Variants in ZMAT4 observed in about 807,000 individuals in gnomAD.
ZMAT4 encodes zinc finger matrin-type 4.
ZMAT4 carries 17 observed loss-of-function variants against 28.7 expected under a neutral mutation model. The observed-to-expected ratio is 0.59, with a 90% CI of 0.41 to 0.89. The LOEUF (loss-of-function observed/expected upper bound fraction) is 0.89. Ranked by LOEUF, ZMAT4 falls within the 40% of genes least tolerant of loss-of-function variation. The probability of loss-of-function intolerance (pLI) is 0.00; values close to 1 mark genes in which losing one functional copy is unlikely to be tolerated. For missense variants in ZMAT4, 240 were observed against 283.8 expected, an observed-to-expected ratio of 0.85 and a Z score of 1.11; for synonymous variants, 117 against 109.2, an observed-to-expected ratio of 1.07 and a Z score of -0.44.
At chr8:40,663,341 CT>C (rs993417966) in intron 5 of ZMAT4, among the ~76,000 whole-genome samples, 2 of 151,874 alleles carry the variant, frequency 1.3e-5, no homozygotes, top group Non-Finnish European at 2.9e-5. Flanking sequence ...GGCTCCCAAG[CT>C]TTTTTTTCAC....
intron 6 of ZMAT4, among the ~76,000 whole-genome samples, chr8:40,580,398 T>C (rs1804423392): frequency 6.6e-6 from 1 of 152,224 alleles, no homozygotes; most frequent in Non-Finnish European, 1.5e-5. Context: ...ACATTCATAA[T>C]TCATGAGGTC....
chr8:40,897,719 GGCCAGCT>G lies in ZMAT4; in HGVS notation c.-48_-42del, dbSNP rs546848464. The G allele has an allele frequency of 1.3e-5, 2 of 152,406 alleles. No individual in the cohort carries two copies. Among genetic ancestry groups the G allele is most frequent in the East Asian group, 3.9e-4 (2 of 5,152 alleles). The allele number at this position is 152,406 out of a possible 1,614,324, so 9.4% of individuals were successfully genotyped here. On this transcript the variant is annotated 5_prime_UTR_variant, in exon 1 of 7. Coordinates refer to ENST00000297737, the MANE Select transcript of ZMAT4 (RefSeq NM_024645.3). ...GGCAGAGGGGCCGCCGGTGCCCAGA[GGCCAGCT>G]GCCCTGCCGAGCAGTAGAGCGAAGC...
intron 3 of ZMAT4, among the ~76,000 whole-genome samples, chr8:40,728,974 A>G (rs183318170): frequency 2.6e-5 from 4 of 152,326 alleles, no homozygotes; most frequent in Admixed American, 2.6e-4. Context: ...TCTAGCACAC[A>G]ATGTTTTGAA....
chr8:40,786,763 T>C (rs951233461), intron 2 of ZMAT4: 1 of 1,288,606 alleles, frequency 7.8e-7, no homozygotes, highest in African/African-American at 1.5e-5. Flanking sequence ...GAAATTCCCC[T>C]TCCTCAAGAA....
At chr8:40,623,454 G>GGTA (rs1224718721) in intron 5 of ZMAT4, among the ~76,000 whole-genome samples, 1 of 152,212 alleles carries the variant, frequency 6.6e-6, no homozygotes, top group African/African-American at 2.4e-5. Flanking sequence ...GCAGAACTAT[G>GGTA]GTAGCTATAT....
At chr8:40,773,758 G>T (rs932490888) in intron 2 of ZMAT4, among the ~76,000 whole-genome samples, 4 of 151,938 alleles carry the variant, frequency 2.6e-5, no homozygotes, top group Admixed American at 2.0e-4. Flanking sequence ...TATCTTGAAG[G>T]TCTTTCACTT....
At chr8:40,601,989 A>G (rs1805411313) in intron 5 of ZMAT4, among the ~76,000 whole-genome samples, 1 of 152,092 alleles carries the variant, frequency 6.6e-6, no homozygotes, top group Non-Finnish European at 1.5e-5. Context: ...TGTACACTCT[A>G]CCCAATGTGT....
chr8:40,820,778 T>TAC (rs1563506971), intron 2 of ZMAT4, among the ~76,000 whole-genome samples: 10 of 196 alleles, frequency 0.051, no homozygotes, highest in South Asian at 0.44. Context: ...TATATGTGTT[T>TAC]ATGGGTGTGT....
intron 2 of ZMAT4, among the ~76,000 whole-genome samples, chr8:40,791,848 G>C (rs1814338741): frequency 6.6e-6 from 1 of 152,150 alleles, no homozygotes; most frequent in Non-Finnish European, 1.5e-5. Flanking sequence ...CCTGTGCCCT[G>C]GTGTCCACTG....
chr8:40,631,711 G>C (rs753039642), intron 5 of ZMAT4, among the ~76,000 whole-genome samples: 4 of 152,158 alleles, frequency 2.6e-5, no homozygotes, highest in Non-Finnish European at 5.9e-5. Flanking sequence ...CTCTCATTTT[G>C]CAAAACAGGA....
intron 5 of ZMAT4, among the ~76,000 whole-genome samples, chr8:40,616,778 C>G (rs867734370): frequency 1.3e-5 from 2 of 151,676 alleles, no homozygotes; most frequent in Non-Finnish European, 1.5e-5. Context: ...GGAGATATAC[C>G]TAATGCTAAA....
chr8:40,651,632 C>A (rs1237220616), intron 5 of ZMAT4, among the ~76,000 whole-genome samples: 1 of 150,152 alleles, frequency 6.7e-6, no homozygotes, highest in Non-Finnish European at 1.5e-5. Context: ...CAATCCTAAG[C>A]CAAAAGAACA....
At chr8:40,808,037 T>G (rs892314234) in intron 2 of ZMAT4, among the ~76,000 whole-genome samples, 1 of 152,174 alleles carries the variant, frequency 6.6e-6, no homozygotes, top group African/African-American at 2.4e-5. Flanking sequence ...ACAATCAGAT[T>G]GAAACACTTT....
chr8:40,846,292 A>T (rs1325439576), intron 1 of ZMAT4, among the ~76,000 whole-genome samples: 1 of 151,798 alleles, frequency 6.6e-6, no homozygotes, highest in Non-Finnish European at 1.5e-5. Flanking sequence ...CTATCATCCC[A>T]CTCAACCCAA....
rs149233999 is a variant in ZMAT4, at chr8:40,896,120, A to G, written c.-5+1563T>C. On this transcript the variant is annotated intron_variant, in intron 1 of 6. Coordinates refer to ENST00000297737, the MANE Select transcript of ZMAT4 (RefSeq NM_024645.3). ...TTTAACCATTGTGAATAGAGTTTCA[A>G]TAATCACAGTTCCCACCCAAAATAG... Among the ~76,000 whole-genome samples the G allele has an allele frequency of 5.3e-5, 8 of 152,374 alleles. No homozygotes were observed. The East Asian group carries it at 1.5e-3, about 29-fold the overall frequency.
At chr8:40,694,717 C>G (rs1809802042) in intron 4 of ZMAT4, among the ~76,000 whole-genome samples, 2 of 152,166 alleles carry the variant, frequency 1.3e-5, no homozygotes, top group African/African-American at 4.8e-5. Flanking sequence ...CATTCTCCTA[C>G]CCTCCTGTCT....
chr8:40,804,473 C>T (rs1204659916), intron 2 of ZMAT4, among the ~76,000 whole-genome samples: 1 of 152,176 alleles, frequency 6.6e-6, no homozygotes, highest in Non-Finnish European at 1.5e-5. Context: ...ATCTATCTAT[C>T]TAATGATCAT....
chr8:40,768,280 G>A (rs1202642044), intron 2 of ZMAT4, among the ~76,000 whole-genome samples: 3 of 152,128 alleles, frequency 2.0e-5, no homozygotes, highest in South Asian at 2.1e-4. Context: ...GTCAGTCTGC[G>A]GACTGACCAC....
intron 3 of ZMAT4, among the ~76,000 whole-genome samples, chr8:40,766,275 T>C (rs769529706): frequency 1.3e-5 from 2 of 152,250 alleles, no homozygotes; most frequent in Non-Finnish European, 2.9e-5. Flanking sequence ...CAATCTCCCA[T>C]ACTACATTAT....
Sources: gnomAD v4.1 joint callset for allele counts (sites outside exome capture counted in the v4.1 genomes callset) on GRCh38, gnomAD v4.1.1 for gene constraint, MANE v1.5 for transcripts, NCBI Gene and HGNC (gene_info 2026-07-23, HGNC 2026-07-21) for gene names.